CENATAC: variants seen among roughly 807,000 people sequenced by gnomAD.
CENATAC encodes the protein centrosomal AT-AC splicing factor.
A neutral mutation model predicts 53.7 loss-of-function variants in CENATAC; 53 were observed. That is an observed-to-expected ratio of 0.99 (90% CI 0.79 to 1.24). The LOEUF (loss-of-function observed/expected upper bound fraction) is 1.24, where lower values mean the gene tolerates loss of function less well. Ranked by LOEUF, CENATAC falls within the 50% of genes most tolerant of loss-of-function variation. The pLI is 0.00. For missense variants in CENATAC, 474 were observed against 417.8 expected, an observed-to-expected ratio of 1.13 and a Z score of -1.17; for synonymous variants, 156 against 144.6, an observed-to-expected ratio of 1.08 and a Z score of -0.57.
In CENATAC at chr11:119,015,022, T is replaced by TG. The variant is rs1565672557; in HGVS notation, c.745dup (p.Glu249GlyfsTer15). ...CCACACCTCCCTGGATGATCCAAGA[T>TG]GAAGAATACATTGCTGGGAACCAAG... On this transcript the variant is annotated frameshift_variant, in exon 9 of 11. Transcript: ENST00000334418. LOFTEE classifies it high-confidence loss of function. 6.2e-7 allele frequency: 1 copy of TG among 1,609,750 alleles called. No homozygotes were observed. Among genetic ancestry groups the TG allele is most frequent in the Admixed American group, 1.7e-5 (1 of 59,438 alleles).
Position 119,015,659 on chromosome 11 carries a change from T to C in CENATAC, c.*61T>C, listed in dbSNP as rs1943132884. 1 of 1,497,304 alleles carries C rather than the reference T, an allele frequency of 6.7e-7. No individual in the cohort carries two copies. The highest frequency in any genetic ancestry group is 1.4e-5 in the African/African-American group (1 of 72,124). 92.8% of individuals were successfully genotyped at this position (1,497,304 alleles called of 1,614,324 possible). ...AAAGTCAACAAACCCCTATTATACC[T>C]TCCACCAAATTCTTTATCATTGTCT... On this transcript the variant is annotated 3_prime_UTR_variant, in exon 11 of 11. Coordinates refer to ENST00000334418, the MANE Select transcript of CENATAC (RefSeq NM_198489.3).
chr11:119,004,124 C>G (rs1005410042), intron 3 of CENATAC, among the ~76,000 whole-genome samples: 4 of 152,292 alleles, frequency 2.6e-5, no homozygotes, highest in African/African-American at 9.6e-5. Context: ...CGATTTTACT[C>G]AAAGGCATCA....
chr11:119,012,842 A>C, intron 7 of CENATAC: 1 of 182,056 alleles, frequency 5.5e-6, no homozygotes, highest in Non-Finnish European at 1.1e-5. Flanking sequence ...TCACTTTTTC[A>C]TAAAAGGCTT....
intron 3 of CENATAC, 148 bp downstream of exon 3, chr11:118,999,257 A>G (rs1378330898): frequency 8.4e-6 from 5 of 594,988 alleles, no homozygotes; most frequent in East Asian, 8.3e-5. Flanking sequence ...TAGGTACTAT[A>G]TTGGACACAA....
At chr11:119,007,585 G>A (rs1378223127) in intron 3 of CENATAC, among the ~76,000 whole-genome samples, 1 of 151,998 alleles carries the variant, frequency 6.6e-6, no homozygotes. Context: ...AACCTCCCAG[G>A]CTCAAGCAAT....
At chr11:118,999,141 G>A in intron 3 of CENATAC, 32 bp downstream of exon 3, 1 of 1,498,270 alleles carries the variant, frequency 6.7e-7, no homozygotes. Flanking sequence ...TGAAGTAGCA[G>A]AGTGAATTCT....
At chr11:119,001,906 A>G (rs114287029) in intron 3 of CENATAC, 3,283 of 242,652 alleles carry the variant, frequency 0.014, 102 homozygotes, top group African/African-American at 0.069. Context: ...AGAAATACGA[A>G]TTTTTTTTTA....
chr11:119,010,465 G>T (rs755732938), intron 3 of CENATAC: 2 of 373,256 alleles, frequency 5.4e-6, no homozygotes, highest in Admixed American at 8.3e-5. Context: ...TCTTAATGTG[G>T]TAATGGTATC....
At position 118,998,438 on chromosome 11, in the gene CENATAC, G is replaced by A; in HGVS notation, c.129G>A (p.Ala43=). 1 of 1,611,938 alleles carries A rather than the reference G, an allele frequency of 6.2e-7. No homozygotes were observed. ...TGGCCTCTCTGCGGCAGGTGGAGGC[G>A]GCCCGCAAGGCCATCCGCGCCGCTC... The part of the protein sequence containing the change: ...ALERLLPQVE[A]ARKAIRAAQV... The change falls in exon 2 of 11, where the codon GCG becomes GCA. Residue 43 remains alanine, a synonymous_variant. Coordinates refer to ENST00000334418, the MANE Select transcript of CENATAC (RefSeq NM_198489.3).
chr11:119,008,749 T>C (rs962440624), intron 3 of CENATAC, among the ~76,000 whole-genome samples: 2 of 152,126 alleles, frequency 1.3e-5, no homozygotes, highest in Non-Finnish European at 2.9e-5. Context: ...GACTATCACA[T>C]GGAGAGAAAC....
chr11:119,007,199 T>G (rs925281795), intron 3 of CENATAC, among the ~76,000 whole-genome samples: 6 of 152,292 alleles, frequency 3.9e-5, no homozygotes, highest in Non-Finnish European at 7.3e-5. Flanking sequence ...CGTTTCTTTT[T>G]TTTGGAGAGA....
intron 3 of CENATAC, among the ~76,000 whole-genome samples, chr11:119,006,165 C>T (rs1447824392): frequency 7.3e-6 from 1 of 137,588 alleles, no homozygotes; most frequent in African/African-American, 2.8e-5. Context: ...CAGTTGACTG[C>T]AACCTCTGCC....
At chr11:119,012,345 C>A in intron 7 of CENATAC, 91 bp downstream of exon 7, 1 of 1,362,590 alleles carries the variant, frequency 7.3e-7, no homozygotes, top group Non-Finnish European at 1.0e-6. Flanking sequence ...CAAGCCACTG[C>A]TGCCTCCACT....
intron 4 of CENATAC, among the ~76,000 whole-genome samples, 178 bp from the exon 5 acceptor site, chr11:119,011,043 A>C (rs782729821): frequency 1.3e-5 from 2 of 152,218 alleles, no homozygotes. Context: ...TGAGAATGTA[A>C]CACCACCACT....
At chr11:118,998,740 G>C (rs1942139022) in intron 2 of CENATAC, 147 bp downstream of exon 2, 1 of 1,162,772 alleles carries the variant, frequency 8.6e-7, no homozygotes, top group African/African-American at 1.5e-5. Context: ...GCCTTGTTAG[G>C]GTAGGGGTCA....
chr11:119,012,079 A>C, intron 6 of CENATAC, 70 bp from the exon 7 acceptor site: 2 of 1,613,854 alleles, frequency 1.2e-6, no homozygotes, highest in South Asian at 1.1e-5. Context: ...TGGGAAATGG[A>C]AACAGATCTA....
intron 5 of CENATAC, 120 bp from the exon 6 acceptor site, chr11:119,011,819 G>T: frequency 1.2e-6 from 1 of 820,088 alleles, no homozygotes; most frequent in Non-Finnish European, 2.0e-6. Flanking sequence ...AAGATGGGCA[G>T]TACCTTCCAT....
At chr11:119,000,805 A>G (rs1220268130) in intron 3 of CENATAC, among the ~76,000 whole-genome samples, 1 of 151,984 alleles carries the variant, frequency 6.6e-6, no homozygotes, top group Non-Finnish European at 1.5e-5. Flanking sequence ...GGGTTTTGCT[A>G]TGTTGCCCAG....
At chr11:119,006,813 G>A (rs1312812969) in intron 3 of CENATAC, among the ~76,000 whole-genome samples, 1 of 152,194 alleles carries the variant, frequency 6.6e-6, no homozygotes, top group Non-Finnish European at 1.5e-5. Context: ...CTGAATCATG[G>A]GGGCGTTTTC....
Sources: allele counts gnomAD v4.1 joint callset (sites outside exome capture counted in the v4.1 genomes callset), GRCh38; gene constraint gnomAD v4.1.1; transcripts MANE v1.5; gene names NCBI Gene and HGNC (gene_info 2026-07-23, HGNC 2026-07-21).